Variants in KLF12 observed in about 807,000 individuals in gnomAD.
KLF12 encodes the protein KLF transcription factor 12.
A neutral mutation model predicts 37.8 loss-of-function variants in KLF12; 9 were observed. The ratio of observed to expected loss-of-function variants is 0.24; its 90% CI spans 0.14 to 0.42. The LOEUF is 0.42. KLF12 is among the 10% of genes least tolerant of loss of function. KLF12 has a pLI of 1.00. For missense variants in KLF12, 411 were observed against 516.0 expected (o/e 0.80, Z 1.97); for synonymous variants, 208 against 202.1 (o/e 1.03, Z -0.25).
chr13:74,190,321 G>A, the KLF12 span, among the ~76,000 whole-genome samples: 1,449 of 152,178 alleles, frequency 9.5e-3, 25 homozygotes, highest in African/African-American at 0.029. Flanking sequence ...AGAAGCAAGC[G>A]GTTTTATTTA....
At chr13:74,235,968 A>C in the KLF12 span, among the ~76,000 whole-genome samples, 7 of 146,814 alleles carry the variant, frequency 4.8e-5, no homozygotes, top group African/African-American at 1.8e-4. Context: ...ATTATACTTT[A>C]AGTTTTAGGG....
rs10568058 is a variant in KLF12 at position 73,786,757 on chromosome 13, C to CAA, written c.807-21759_807-21758dup. On this transcript the variant is annotated intron_variant, in intron 5 of 7. Coordinates refer to ENST00000377669, the MANE Select transcript of KLF12 (RefSeq NM_007249.5). ...ACGAAAAAAATAAAAATTACAAATA[C>CAA]AAAAAAAAAAAAAAAAAATTAGCTG... 6.7e-3 allele frequency among the ~76,000 whole-genome samples: 794 copies of CAA among 119,170 alleles called. 6 individuals are homozygous for CAA. Among genetic ancestry groups the CAA allele is most frequent in the South Asian group, 0.038 (137 of 3,560 alleles). 78.2% of individuals were successfully genotyped at this position (119,170 alleles called of 152,430 possible).
the KLF12 span, among the ~76,000 whole-genome samples, chr13:74,218,131 TTG>T: frequency 2.0e-5 from 3 of 152,130 alleles, no homozygotes; most frequent in African/African-American, 7.2e-5. Flanking sequence ...CTTAAAAAAA[TTG>T]TGAGACTCAA....
intron 3 of KLF12, among the ~76,000 whole-genome samples, chr13:73,903,434 A>G (rs1433735806): frequency 6.6e-6 from 1 of 152,254 alleles, no homozygotes; most frequent in Non-Finnish European, 1.5e-5. Flanking sequence ...AATATATTAA[A>G]AAGACAAAAA....
chr13:74,267,960 C>T, the KLF12 span, among the ~76,000 whole-genome samples: 1 of 151,984 alleles, frequency 6.6e-6, no homozygotes, highest in Admixed American at 6.6e-5. Flanking sequence ...TAGTCAAAAG[C>T]CAAAGGATAC....
intron 6 of KLF12, among the ~76,000 whole-genome samples, chr13:73,763,394 C>A (rs1879696209): frequency 1.3e-5 from 2 of 152,074 alleles, no homozygotes; most frequent in South Asian, 4.1e-4. Context: ...TAATCTAGTG[C>A]TTCTTACAGT....
chr13:73,755,785 T>C (rs9543447), intron 6 of KLF12, among the ~76,000 whole-genome samples: 14,908 of 150,930 alleles, frequency 0.099, 769 homozygotes, highest in South Asian at 0.16. Flanking sequence ...CCAAAGTCCA[T>C]TCTATGATTC....
chr13:74,279,100 A>T, the KLF12 span, among the ~76,000 whole-genome samples: 2 of 152,058 alleles, frequency 1.3e-5, no homozygotes, highest in African/African-American at 4.8e-5. Flanking sequence ...GGGTCATATT[A>T]CTCTGCCCAA....
At chr13:73,742,155 GA>G (rs373734635) in intron 6 of KLF12, among the ~76,000 whole-genome samples, 2,811 of 151,714 alleles carry the variant, frequency 0.019, 72 homozygotes, top group African/African-American at 0.061. Context: ...TAAGCAAAGG[GA>G]AAAAAAATAA....
intron 3 of KLF12, among the ~76,000 whole-genome samples, chr13:73,879,889 A>G: frequency 6.6e-6 from 1 of 152,214 alleles, no homozygotes; most frequent in East Asian, 1.9e-4. Flanking sequence ...CACACAGCCT[A>G]AATAAAATAC....
chr13:73,939,631 A>G (rs1890101115), intron 3 of KLF12, among the ~76,000 whole-genome samples: 1 of 152,164 alleles, frequency 6.6e-6, no homozygotes, highest in Admixed American at 6.5e-5. Context: ...CGAAAGTAAT[A>G]GGGCCTTTTT....
At chr13:74,026,725 G>C (rs879837178) in intron 1 of KLF12, among the ~76,000 whole-genome samples, 8 of 152,034 alleles carry the variant, frequency 5.3e-5, no homozygotes, top group Non-Finnish European at 1.0e-4. Flanking sequence ...GAAAAACATC[G>C]ATTCTAACCT....
At chr13:74,100,695 T>C (rs1271612367) in intron 1 of KLF12, among the ~76,000 whole-genome samples, 1 of 152,170 alleles carries the variant, frequency 6.6e-6, no homozygotes, top group Non-Finnish European at 1.5e-5. Context: ...TAAACACTGC[T>C]ATAAGTGTAT....
In KLF12 at chr13:73,687,337, C is replaced by CTG. The variant is rs1873553875; in HGVS notation, c.*8152_*8153insCA. The CTG allele has an allele frequency of 6.6e-6, 1 of 152,562 alleles. No individual in the cohort carries two copies. The highest frequency in any genetic ancestry group is 6.5e-5 in the Admixed American group (1 of 15,270). The allele number at this position is 152,562 out of a possible 1,614,324, so 9.5% of individuals were successfully genotyped here. On this transcript the variant is annotated 3_prime_UTR_variant, in exon 8 of 8. Transcript: ENST00000377669. ...ATGAACAAAACAATACAGTCACTAC[C>CTG]CCACAGGGGGACAGTGATTTTTCAA...
the KLF12 span, among the ~76,000 whole-genome samples, chr13:74,154,311 A>G: frequency 6.6e-6 from 1 of 152,200 alleles, no homozygotes; most frequent in Non-Finnish European, 1.5e-5. Flanking sequence ...GTATTGGTTG[A>G]ATTTTCAAAA....
intron 7 of KLF12, among the ~76,000 whole-genome samples, chr13:73,707,628 T>C (rs1875051194): frequency 6.6e-6 from 1 of 152,170 alleles, no homozygotes; most frequent in African/African-American, 2.4e-5. Context: ...TGGAGCTTTA[T>C]GTGGAATGAG....
the KLF12 span, among the ~76,000 whole-genome samples, chr13:74,189,917 AT>A: frequency 6.6e-6 from 1 of 152,226 alleles, no homozygotes; most frequent in Non-Finnish European, 1.5e-5. Flanking sequence ...TAGTCGAAAC[AT>A]TAAAGAATGT....
chr13:73,823,719 C>CT (rs200343043), intron 4 of KLF12, among the ~76,000 whole-genome samples: 40 of 142,134 alleles, frequency 2.8e-4, no homozygotes, highest in African/African-American at 9.3e-4. Flanking sequence ...CTGGCCTCTT[C>CT]TTTTTTTTGA....
intron 3 of KLF12, among the ~76,000 whole-genome samples, chr13:73,864,895 A>C (rs955669144): frequency 6.6e-6 from 1 of 152,148 alleles, no homozygotes; most frequent in Non-Finnish European, 1.5e-5. Flanking sequence ...TTAGAGTAAT[A>C]GTTTTCAATC....
Sources: allele counts gnomAD v4.1 joint callset (sites outside exome capture counted in the v4.1 genomes callset), GRCh38; gene constraint gnomAD v4.1.1; transcripts MANE v1.5; gene names NCBI Gene and HGNC (gene_info 2026-07-23, HGNC 2026-07-21).